The following PHKA2 variants were observed in gnomAD, a reference collection of about 807,000 sequenced individuals.
The protein encoded by PHKA2 is phosphorylase b kinase regulatory subunit alpha, liver isoform.
Under a neutral mutation model 102.0 loss-of-function variants are expected in PHKA2, and 31 were observed. The ratio of observed to expected loss-of-function variants is 0.30; its 90% CI spans 0.23 to 0.41. The LOEUF (loss-of-function observed/expected upper bound fraction) is 0.41, where lower values mean the gene tolerates loss of function less well. Ranked by LOEUF, PHKA2 falls within the 10% of genes least tolerant of loss-of-function variation. The pLI, the probability that PHKA2 is intolerant of heterozygous loss-of-function variation, is 1.00. For synonymous variants in PHKA2, 455 were observed against 416.2 expected (o/e 1.09, Z -1.13); for missense variants, 858 against 1,023.1 (o/e 0.84, Z 2.20).
At chrX:18,931,174 CT>C (rs1464408800) in intron 12 of PHKA2, among the ~76,000 whole-genome samples, 1 of 112,512 alleles carries the variant, frequency 8.9e-6, no homozygotes, top group Non-Finnish European at 1.9e-5. Flanking sequence ...GGGGCAACAC[CT>C]GACACAAAAT....
chrX:18,951,377 T>A, intron 3 of PHKA2, 105 bp from the exon 4 acceptor site: 2 of 830,916 alleles, frequency 2.4e-6, no homozygotes, highest in Non-Finnish European at 3.6e-6. Context: ...ATCTGCTACT[T>A]CTGGGAGCCA....
At chrX:18,911,322 T>A (rs1222608067) in intron 19 of PHKA2, among the ~76,000 whole-genome samples, 3 of 111,198 alleles carry the variant, frequency 2.7e-5, no homozygotes, top group Admixed American at 9.5e-5. Context: ...TATAGGCATG[T>A]GCCACCACGC....
chrX:18,976,828 AG>A (rs1290698896), intron 1 of PHKA2, among the ~76,000 whole-genome samples: 1 of 111,326 alleles, frequency 9.0e-6, no homozygotes, highest in Non-Finnish European at 1.9e-5. Flanking sequence ...CAACCCTGCC[AG>A]AAGTCTGCCT....
rs775238542 is a variant in PHKA2 at position 18,894,740 on chromosome X, A to AAACT, written c.3337-337_3337-336insAGTT. ...ATGGTGCTTTGGGTGGGGTAAAACT[A>AAACT]AAAAAAAATCCATGTTAAAAAGAAT... On this transcript the variant is annotated intron_variant, in intron 31 of 32. Coordinates refer to ENST00000379942, the MANE Select transcript of PHKA2 (RefSeq NM_000292.3). 1.3e-3 allele frequency: 423 copies of AAACT among 321,178 alleles called. 2 individuals carry two copies. In the African/African-American group the frequency reaches 0.019, roughly 15 times the overall value. The allele number at this position is 321,178 out of a possible 1,213,427, so 26.5% of individuals were successfully genotyped here. A position where few individuals can be genotyped will look rare whatever the true frequency, so the allele number is the denominator to read the frequency against.
rs758732307 is a variant in PHKA2 at position 18,948,653 on chromosome X, C to T, written c.537+91G>A. The T allele has an allele frequency of 1.3e-5, 8 of 599,019 alleles. No individual in the cohort carries two copies. The South Asian group carries it at 1.6e-4, about 12-fold the overall frequency. The allele number at this position is 599,019 out of a possible 1,213,427, so 49.4% of individuals were successfully genotyped here. A position where few individuals can be genotyped will look rare whatever the true frequency, so the allele number is the denominator to read the frequency against. On this transcript the variant is annotated intron_variant, in intron 5 of 32. Transcript: ENST00000379942. ...CTAGTCTCGCTAACCTTTTGGTGAG[C>T]CCCAAACAGCCTGGCCCTCAAAACA...
chrX:18,943,423 G>A (rs1301634482), intron 7 of PHKA2, among the ~76,000 whole-genome samples: 1 of 112,318 alleles, frequency 8.9e-6, no homozygotes, highest in East Asian at 2.8e-4. Flanking sequence ...AACAGACTTT[G>A]CCTCTTGCAA....
chrX:18,983,265 G>A (rs2049203572), intron 1 of PHKA2, among the ~76,000 whole-genome samples: 1 of 112,628 alleles, frequency 8.9e-6, no homozygotes, highest in Admixed American at 9.4e-5. Flanking sequence ...TTCATACCTC[G>A]GACCACATGG....
intron 11 of PHKA2, among the ~76,000 whole-genome samples, chrX:18,934,551 G>T (rs139734293): frequency 8.9e-6 from 1 of 111,749 alleles, no homozygotes; most frequent in African/African-American, 3.3e-5. Flanking sequence ...GAATGCTTCC[G>T]GCAATGGCAC....
Position 18,898,613 on chromosome X carries a change from G to A in PHKA2, c.3111+560C>T, listed in dbSNP as rs146812731. 6.1e-3 allele frequency among the ~76,000 whole-genome samples: 686 copies of A among 112,738 alleles called. 6 individuals are homozygous for A. The highest frequency in any genetic ancestry group is 0.02 in the African/African-American group (630 of 31,101). On this transcript the variant is annotated intron_variant, in intron 29 of 32. Transcript: ENST00000379942. ...TTTCAACAGATCTTATTTTGAAAAG[G>A]CAGTTCGGCTGGGTTATTCCATTGG...
At chrX:18,893,990 G>A (rs2047481559) in intron 32 of PHKA2, 8 of 468,577 alleles carry the variant, frequency 1.7e-5, no homozygotes, top group Admixed American at 1.5e-4. Flanking sequence ...GTGTTTGGAC[G>A]AAAACCTGCA....
rs756254299 is a variant in PHKA2, at chrX:18,924,492, C to T, written c.1603G>A (p.Asp535Asn). ...TDQHHFYLAL[D>N]NEMIVEMLRI... ...AGCATCTCCACGATCATCTCATTGT[C>T]GAGGGCCAGGTAGAAGTGATGCTGG... The change falls in exon 16 of 33, where the codon GAC becomes AAC. Residue 535 changes from aspartate (D) to asparagine (N), a missense_variant. By Grantham distance (23) the Asp-to-Asn change is conservative (BLOSUM62 1). Coordinates refer to ENST00000379942, the MANE Select transcript of PHKA2 (RefSeq NM_000292.3). 15 of 1,208,923 alleles carry T rather than the reference C, an allele frequency of 1.2e-5. No homozygotes were observed. Among genetic ancestry groups the T allele is most frequent in the Admixed American group, 2.2e-5 (1 of 45,721 alleles).
chrX:18,958,156 G>A (rs1054568988), intron 1 of PHKA2, among the ~76,000 whole-genome samples: 3 of 111,345 alleles, frequency 2.7e-5, no homozygotes, highest in Non-Finnish European at 3.8e-5. Flanking sequence ...CACCGTGCCC[G>A]GCCAGGGTCA....
At chrX:18,918,275 C>T (rs780738915) in intron 19 of PHKA2, among the ~76,000 whole-genome samples, 6 of 112,379 alleles carry the variant, frequency 5.3e-5, no homozygotes, top group Non-Finnish European at 9.4e-5. Context: ...GGAATATAAA[C>T]AGAGTATACT....
intron 3 of PHKA2, among the ~76,000 whole-genome samples, chrX:18,952,285 C>T (rs1170752113): frequency 4.4e-5 from 4 of 90,940 alleles, no homozygotes; most frequent in Non-Finnish European, 8.5e-5. Flanking sequence ...GAGCCATGAT[C>T]GCACCACTGC....
chrX:18,895,310 G>A (rs1224178336), intron 30 of PHKA2, 119 bp from the exon 31 acceptor site: 1 of 629,609 alleles, frequency 1.6e-6, no homozygotes, highest in African/African-American at 2.2e-5. Flanking sequence ...TATGAGGGCT[G>A]GGACACGCCA....
chrX:18,939,957 C>G (rs1396156365), intron 9 of PHKA2, 38 bp downstream of exon 9: 15 of 925,349 alleles, frequency 1.6e-5, no homozygotes, highest in Non-Finnish European at 2.4e-5. Context: ...AGAGATGAAA[C>G]AGTTGAGGAA....
intron 29 of PHKA2, 101 bp downstream of exon 29, chrX:18,899,072 C>G: frequency 1.4e-6 from 1 of 724,329 alleles, no homozygotes; most frequent in Non-Finnish European, 2.2e-6. Flanking sequence ...GAAAACACTT[C>G]AGCCCTGCTC....
intron 11 of PHKA2, among the ~76,000 whole-genome samples, chrX:18,934,531 G>A (rs974763929): frequency 1.8e-5 from 2 of 111,841 alleles, no homozygotes; most frequent in Non-Finnish European, 3.8e-5. Context: ...TGATATAAAT[G>A]CAAAAAACTG....
At chrX:18,924,656 C>A in intron 15 of PHKA2, 131 bp from the exon 16 acceptor site, 1 of 625,460 alleles carries the variant, frequency 1.6e-6, no homozygotes, top group Non-Finnish European at 2.6e-6. Flanking sequence ...TTCAATCCAC[C>A]CAGTCATGGG....
Sources: allele counts gnomAD v4.1 joint callset (sites outside exome capture counted in the v4.1 genomes callset), GRCh38; gene constraint gnomAD v4.1.1; transcripts MANE v1.5; gene names NCBI Gene and HGNC (gene_info 2026-07-23, HGNC 2026-07-21).